ADGRV1: variants seen among roughly 807,000 people sequenced by gnomAD.
The protein encoded by ADGRV1 is G-protein coupled receptor 98.
Under a neutral mutation model 596.2 loss-of-function variants are expected in ADGRV1, and 359 were observed. That is an observed-to-expected ratio of 0.60 (90% CI 0.55 to 0.66). ADGRV1 has a LOEUF of 0.66. Among genes scored for constraint, ADGRV1 ranks in the 30% least tolerant of loss-of-function variants. The pLI, the probability that ADGRV1 is intolerant of heterozygous loss-of-function variation, is 0.00. For synonymous variants in ADGRV1, 2,681 were observed against 2,679.2 expected (o/e 1.00, Z -0.02); for missense variants, 7,274 against 7,575.6 (o/e 0.96, Z 1.48).
chr5:90,812,317 T>C (rs1762514068), intron 74 of ADGRV1, among the ~76,000 whole-genome samples: 1 of 152,006 alleles, frequency 6.6e-6, no homozygotes, highest in Non-Finnish European at 1.5e-5. Context: ...CATGATTCTT[T>C]TCTTTTTTCA....
At chr5:90,653,156 A>G in intron 19 of ADGRV1, 53 bp from the exon 20 acceptor site, 2 of 1,460,178 alleles carry the variant, frequency 1.4e-6, no homozygotes, top group Non-Finnish European at 1.8e-6. Flanking sequence ...TTCACATTAT[A>G]CTAGAAAGTA....
chr5:90,957,317 C>G (rs1777564617), intron 83 of ADGRV1, among the ~76,000 whole-genome samples: 1 of 151,862 alleles, frequency 6.6e-6, no homozygotes, highest in Non-Finnish European at 1.5e-5. Context: ...CACATGAAAA[C>G]CATTCATTAA....
At chr5:90,785,624 T>G (rs966077033) in intron 67 of ADGRV1, among the ~76,000 whole-genome samples, 2 of 152,126 alleles carry the variant, frequency 1.3e-5, no homozygotes, top group Admixed American at 6.6e-5. Context: ...AAGAAGACAT[T>G]TATGCAGCCA....
At position 90,628,769 on chromosome 5, in the gene ADGRV1, T is replaced by G. The variant is rs1765125639; in HGVS notation, c.1446T>G (p.Ala482=). The G allele has an allele frequency of 1.2e-6, 2 of 1,613,876 alleles. No homozygotes were observed. Among genetic ancestry groups the G allele is most frequent in the African/African-American group, 2.7e-5 (2 of 74,934 alleles). The part of the protein sequence containing the change: ...VDDDLPEEAE[A]YLLQILPHTI... Reference sequence around the variant, plus strand: ...ATGATCTTCCAGAAGAGGCAGAAGCTTATCTACTTCAAATTCTGCCTCATA... The same window carrying G: ...ATGATCTTCCAGAAGAGGCAGAAGCGTATCTACTTCAAATTCTGCCTCATA... Residue 482 remains alanine, a synonymous_variant, in exon 8 of 90, where the codon GCT becomes GCG. Coordinates refer to ENST00000405460, the MANE Select transcript of ADGRV1 (RefSeq NM_032119.4).
At chr5:91,038,966 G>C (rs997823865) in intron 85 of ADGRV1, among the ~76,000 whole-genome samples, 1 of 152,130 alleles carries the variant, frequency 6.6e-6, no homozygotes, top group African/African-American at 2.4e-5. Context: ...TGCTCCCCAT[G>C]TTGATTCTAA....
In ADGRV1 at chr5:90,731,261, C is replaced by T. The variant is rs142491477; in HGVS notation, c.10549+1497C>T. Among the ~76,000 whole-genome samples the T allele has an allele frequency of 5.8e-3, 884 of 152,108 alleles. 1 individual carries two copies. The highest frequency in any genetic ancestry group is 6.8e-3 in the Non-Finnish European group (464 of 67,994). On this transcript the variant is annotated intron_variant, in intron 50 of 89. Transcript: ENST00000405460. ...TTACATGGTGGAGGGAAAAAGAGAG[C>T]GCGAAGGGGGAAGTGCTGCACACTT...
chr5:90,620,715 GT>G (rs1181059499), intron 4 of ADGRV1, among the ~76,000 whole-genome samples: 4 of 152,116 alleles, frequency 2.6e-5, no homozygotes, highest in African/African-American at 9.7e-5. Context: ...TTCTTCTAGG[GT>G]TTTTATGGTT....
chr5:90,690,068 G>A lies in ADGRV1; in HGVS notation c.6698G>A (p.Gly2233Glu). 6.5e-7 allele frequency: 1 copy of A among 1,536,230 alleles called. No individual in the cohort carries two copies. Residue 2233 changes from glycine (G) to glutamate (E), a missense_variant, in exon 30 of 90, where the codon GGA (glycine) becomes GAA (glutamate). Coordinates refer to ENST00000405460, the MANE Select transcript of ADGRV1 (RefSeq NM_032119.4). ...ATTGAGGCCTCTGATGACCCCTATGGATTATTTGGTATGAAGACTAATTTA... is the reference window on the plus strand; with the variant it reads ...ATTGAGGCCTCTGATGACCCCTATGAATTATTTGGTATGAAGACTAATTTA... ...IIIEASDDPY[G>E]LFGFQITKLI...
In ADGRV1 at chr5:91,150,017, T is replaced by C. The variant is rs1313679502; in HGVS notation, c.18433-13T>C. ...TCTTTTTCTTTTCTTTTCTTTTTTT[T>C]TTTTTTTTGCAGGGACTTTATGTTT... On this transcript the variant is annotated splice_polypyrimidine_tract_variant and intron_variant, in intron 87 of 89. Transcript: ENST00000405460. The C allele has an allele frequency of 1.3e-6, 2 of 1,502,314 alleles. No individual in the cohort carries two copies. Among genetic ancestry groups the C allele is most frequent in the Admixed American group, 2.5e-5 (1 of 40,424 alleles). 93.1% of individuals were successfully genotyped at this position (1,502,314 alleles called of 1,614,324 possible).
intron 86 of ADGRV1, among the ~76,000 whole-genome samples, chr5:91,081,787 A>G (rs1284298627): frequency 6.6e-6 from 1 of 152,204 alleles, no homozygotes. Flanking sequence ...ACTCTGTCTC[A>G]AAAGTAAATA....
chr5:90,709,756 G>A (rs1179752723), intron 39 of ADGRV1, among the ~76,000 whole-genome samples: 2 of 152,174 alleles, frequency 1.3e-5, no homozygotes, highest in African/African-American at 4.8e-5. Flanking sequence ...ATTCCAATGA[G>A]TAGGCTGTTT....
chr5:91,032,785 T>A (rs1784584290), intron 85 of ADGRV1, among the ~76,000 whole-genome samples: 1 of 152,258 alleles, frequency 6.6e-6, no homozygotes, highest in South Asian at 2.1e-4. Context: ...TGCATATAGA[T>A]CCACATTGTT....
At chr5:91,053,092 G>A (rs1010272582) in intron 85 of ADGRV1, among the ~76,000 whole-genome samples, 1 of 152,080 alleles carries the variant, frequency 6.6e-6, no homozygotes, top group Admixed American at 6.5e-5. Flanking sequence ...ATTTTCATTG[G>A]GTTGAAGGGA....
intron 21 of ADGRV1, among the ~76,000 whole-genome samples, chr5:90,663,509 T>G (rs940075202): frequency 2.6e-5 from 4 of 151,484 alleles, no homozygotes; most frequent in African/African-American, 9.7e-5. Context: ...ATTCTGGATA[T>G]TAGCCCTTTG....
intron 83 of ADGRV1, among the ~76,000 whole-genome samples, chr5:90,943,384 A>G (rs1323016438): frequency 6.6e-6 from 1 of 152,100 alleles, no homozygotes; most frequent in Non-Finnish European, 1.5e-5. Context: ...GACAGATCAC[A>G]CACCTTCTTG....
chr5:90,620,073 G>T (rs982429728), intron 4 of ADGRV1, among the ~76,000 whole-genome samples: 4 of 151,792 alleles, frequency 2.6e-5, no homozygotes, highest in Admixed American at 2.6e-4. Flanking sequence ...GTGTGCATGT[G>T]TCTTTATAGC....
intron 3 of ADGRV1, among the ~76,000 whole-genome samples, chr5:90,618,357 G>C (rs1046052681): frequency 6.6e-6 from 1 of 152,260 alleles, no homozygotes; most frequent in Non-Finnish European, 1.5e-5. Context: ...TAAATTCAGA[G>C]TACCGCTGGG....
chr5:91,051,830 G>A (rs146302354), intron 85 of ADGRV1, among the ~76,000 whole-genome samples: 4 of 152,074 alleles, frequency 2.6e-5, no homozygotes, highest in African/African-American at 9.6e-5. Flanking sequence ...TCTATATTTG[G>A]CATCCTTGTT....
intron 82 of ADGRV1, among the ~76,000 whole-genome samples, chr5:90,857,648 A>C (rs1424325563): frequency 6.6e-6 from 1 of 152,106 alleles, no homozygotes; most frequent in South Asian, 2.1e-4. Flanking sequence ...TCCATGTCAT[A>C]TTGTTATGTA....
Sources: gnomAD v4.1 joint callset for allele counts (sites outside exome capture counted in the v4.1 genomes callset) on GRCh38, gnomAD v4.1.1 for gene constraint, MANE v1.5 for transcripts, NCBI Gene and HGNC (gene_info 2026-07-23, HGNC 2026-07-21) for gene names.